DYRK1A: variants seen among roughly 807,000 people sequenced by gnomAD.
The protein encoded by DYRK1A is dual specificity tyrosine phosphorylation regulated kinase 1A, also known as dual specificity tyrosine-phosphorylation-regulated kinase 1A.
Under a neutral mutation model 79.7 loss-of-function variants are expected in DYRK1A, and 9 were observed. That is an observed-to-expected ratio of 0.11 (90% confidence interval 0.07 to 0.20). The LOEUF (loss-of-function observed/expected upper bound fraction) is 0.20, where lower values mean the gene tolerates loss of function less well. Among genes scored for constraint, DYRK1A ranks in the 10% least tolerant of loss-of-function variants. The pLI is 1.00. For synonymous variants in DYRK1A, 349 were observed against 329.7 expected (o/e 1.06, Z -0.63); for missense variants, 622 against 956.0 (o/e 0.65, Z 4.61).
At chr21:37,429,236 C>T (rs1179077403) in intron 2 of DYRK1A, among the ~76,000 whole-genome samples, 1 of 151,770 alleles carries the variant, frequency 6.6e-6, no homozygotes, top group African/African-American at 2.4e-5. Context: ...GCTTAAAAAC[C>T]ATTGTTGAGT....
In DYRK1A at chr21:37,520,859, G is replaced by C. The variant is rs1359099267; in HGVS notation, c.*8328G>C. 3 of 152,224 alleles carry C rather than the reference G, an allele frequency of 2.0e-5. No individual in the cohort carries two copies. The highest frequency in any genetic ancestry group is 1.5e-5 in the Non-Finnish European group (1 of 68,050). The allele number at this position is 152,224 out of a possible 1,614,324, so 9.4% of individuals were successfully genotyped here. On this transcript the variant is annotated 3_prime_UTR_variant, in exon 12 of 12. Transcript: ENST00000647188. Reference sequence around the variant, plus strand: ...GAGATCTACAGGGCTCAGTGCGCTTGGAGTCCTGGATTCCTCCAGGACTGC... The same window carrying C: ...GAGATCTACAGGGCTCAGTGCGCTTCGAGTCCTGGATTCCTCCAGGACTGC...
At position 37,523,059 on chromosome 21, in the gene DYRK1A, G is replaced by A. The variant is rs2148677302; in HGVS notation, c.*10528G>A. Reference sequence around the variant, plus strand: ...ATCAATTCTTAGTATTATTTTTTAGGGATAGGGTCTTGCTGTGTTGCCCAG... The same window carrying A: ...ATCAATTCTTAGTATTATTTTTTAGAGATAGGGTCTTGCTGTGTTGCCCAG... On this transcript the variant is annotated 3_prime_UTR_variant, in exon 12 of 12. Transcript: ENST00000647188. The A allele has an allele frequency of 6.6e-6, 1 of 152,360 alleles. No homozygotes were observed. The allele number at this position is 152,360 out of a possible 1,614,324, so 9.4% of individuals were successfully genotyped here.
intron 2 of DYRK1A, among the ~76,000 whole-genome samples, chr21:37,447,430 A>C (rs1375018654): frequency 6.6e-6 from 1 of 152,158 alleles, no homozygotes; most frequent in Non-Finnish European, 1.5e-5. Flanking sequence ...GCTGCCACTC[A>C]AGCCTTTAAG....
At chr21:37,415,348 C>A (rs1005826636) in intron 1 of DYRK1A, 2 of 152,182 alleles carry the variant, frequency 1.3e-5, no homozygotes, top group African/African-American at 4.8e-5. Flanking sequence ...TAGTATAATC[C>A]AGCACCCATG....
intron 9 of DYRK1A, among the ~76,000 whole-genome samples, chr21:37,500,336 T>C (rs1485484935): frequency 2.0e-5 from 3 of 152,210 alleles, no homozygotes; most frequent in Non-Finnish European, 4.4e-5. Context: ...GGCCTTGATA[T>C]ACTATTCCCT....
chr21:37,394,517 TG>T (rs1451786382), intron 1 of DYRK1A, among the ~76,000 whole-genome samples: 2 of 152,116 alleles, frequency 1.3e-5, no homozygotes, highest in Non-Finnish European at 2.9e-5. Flanking sequence ...GTCTGTGGCC[TG>T]TTAGGAATTG....
intron 2 of DYRK1A, among the ~76,000 whole-genome samples, chr21:37,454,388 T>A (rs543606291): frequency 1.3e-5 from 2 of 152,150 alleles, no homozygotes; most frequent in Non-Finnish European, 2.9e-5. Flanking sequence ...CCACCGTACC[T>A]GATCTCCATT....
At chr21:37,385,421 A>G (rs185017358) in intron 1 of DYRK1A, among the ~76,000 whole-genome samples, 5 of 152,332 alleles carry the variant, frequency 3.3e-5, no homozygotes, top group East Asian at 1.9e-4. Context: ...TACGCTGTCA[A>G]TCAGCAAACA....
At chr21:37,452,225 G>C (rs2051476798) in intron 2 of DYRK1A, among the ~76,000 whole-genome samples, 1 of 151,920 alleles carries the variant, frequency 6.6e-6, no homozygotes. Context: ...TGGATAAGGA[G>C]CAGTTATTGT....
chr21:37,388,376 C>A (rs2049803269), intron 1 of DYRK1A, among the ~76,000 whole-genome samples: 1 of 151,934 alleles, frequency 6.6e-6, no homozygotes, highest in African/African-American at 2.4e-5. Context: ...GAGCCACCAG[C>A]CTGACCCTGC....
At chr21:37,424,319 G>A (rs773720504) in intron 2 of DYRK1A, among the ~76,000 whole-genome samples, 6 of 152,064 alleles carry the variant, frequency 3.9e-5, no homozygotes, top group Non-Finnish European at 8.8e-5. Flanking sequence ...TTGCACTCAT[G>A]TTTTTACTTT....
chr21:37,503,003 G>T (rs2053495795), intron 9 of DYRK1A: 1 of 152,098 alleles, frequency 6.6e-6, no homozygotes, highest in African/African-American at 2.4e-5. Flanking sequence ...TCTTAGCATT[G>T]TTCCCCTGCA....
intron 1 of DYRK1A, among the ~76,000 whole-genome samples, chr21:37,403,652 T>G (rs1361964158): frequency 1.0e-5 from 1 of 96,328 alleles, no homozygotes; most frequent in African/African-American, 4.1e-5. Flanking sequence ...AAAAAAAATA[T>G]ATATATATAT....
intron 2 of DYRK1A, among the ~76,000 whole-genome samples, chr21:37,448,305 TG>T (rs2148494696): frequency 6.6e-6 from 1 of 152,344 alleles, no homozygotes; most frequent in East Asian, 1.9e-4. Flanking sequence ...ACTGTATTAC[TG>T]GTATTTTAAA....
rs1212700979 is a variant in DYRK1A at position 37,512,089 on chromosome 21, A to T, written c.1823A>T (p.His608Leu). The change falls in exon 12 of 12, where the codon CAC becomes CTC. Residue 608 changes from histidine to leucine, a missense_variant. Physicochemically the swap from His to Leu is moderately conservative, Grantham distance 99. Coordinates refer to ENST00000647188, the MANE Select transcript of DYRK1A (RefSeq NM_001347721.2). ...HHHHHHHHHHHHHGQQALGNR... is the reference protein window; with the variant it reads ...HHHHHHHHHHLHHGQQALGNR... ...CATCACCACCACCACCACCATCACC[A>T]CCACCATGGACAACAAGCCTTGGGT... 5 of 1,614,020 alleles carry T rather than the reference A, an allele frequency of 3.1e-6. No individual in the cohort carries two copies. In the East Asian group the frequency reaches 6.7e-5, roughly 22 times the overall value.
chr21:37,487,976 C>T (rs1037148711), intron 6 of DYRK1A: 3 of 152,114 alleles, frequency 2.0e-5, no homozygotes, highest in South Asian at 2.1e-4. Flanking sequence ...ACAATGATCT[C>T]TGAACATGCC....
chr21:37,401,793 C>G (rs2050059340), intron 1 of DYRK1A, among the ~76,000 whole-genome samples: 2 of 152,070 alleles, frequency 1.3e-5, no homozygotes, highest in Non-Finnish European at 2.9e-5. Flanking sequence ...AATTCTAGTT[C>G]TTTTGGTGTG....
chr21:37,511,980 A>G lies in DYRK1A; in HGVS notation c.1714A>G (p.Thr572Ala), dbSNP rs2053762752. The G allele has an allele frequency of 6.2e-7, 1 of 1,614,020 alleles. No homozygotes were observed. The highest frequency in any genetic ancestry group is 8.5e-7 in the Non-Finnish European group (1 of 1,179,980). The part of the protein sequence containing the change: ...TEAPTQVTVE[T>A]HPVQETTFHV... Reference sequence around the variant, plus strand: ...AGCTCCTACACAGGTCACTGTTGAAACTCATCCTGTTCAAGAAACAACCTT... The same window carrying G: ...AGCTCCTACACAGGTCACTGTTGAAGCTCATCCTGTTCAAGAAACAACCTT... Residue 572 changes from threonine (T) to alanine (A), a missense_variant, in exon 12 of 12, where the codon ACT (threonine) becomes GCT (alanine). Physicochemically the swap from Thr to Ala is moderately conservative, Grantham distance 58. Transcript: ENST00000647188.
intron 2 of DYRK1A, 76 bp from the exon 3 acceptor site, chr21:37,472,608 G>T: frequency 8.0e-7 from 1 of 1,257,150 alleles, no homozygotes; most frequent in South Asian, 2.0e-5. Flanking sequence ...CTTATTTAAG[G>T]AACCATTAGA....
Sources: gnomAD v4.1 joint callset for allele counts (sites outside exome capture counted in the v4.1 genomes callset) on GRCh38, gnomAD v4.1.1 for gene constraint, MANE v1.5 for transcripts, NCBI Gene and HGNC (gene_info 2026-07-23, HGNC 2026-07-21) for gene names.